The following MNAT1 variants were observed in gnomAD, a reference collection of about 807,000 sequenced individuals.
The protein encoded by MNAT1 is MNAT1 component of CDK activating kinase, also known as CDK-activating kinase assembly factor MAT1.
MNAT1 carries 43 observed loss-of-function variants against 42.0 expected under a neutral mutation model. That is an observed-to-expected ratio of 1.02 (90% confidence interval 0.80 to 1.32). The LOEUF (loss-of-function observed/expected upper bound fraction) is 1.32. Ranked by LOEUF, MNAT1 falls within the 40% of genes most tolerant of loss-of-function variation. The probability of loss-of-function intolerance (pLI) is 0.00; values close to 1 mark genes in which losing one functional copy is unlikely to be tolerated. For missense variants in MNAT1, 306 were observed against 350.4 expected, an observed-to-expected ratio of 0.87 and a Z score of 1.01; for synonymous variants, 118 against 120.0, an observed-to-expected ratio of 0.98 and a Z score of 0.11.
intron 7 of MNAT1, among the ~76,000 whole-genome samples, chr14:60,916,369 A>C (rs1018453158): frequency 6.6e-6 from 1 of 152,214 alleles, no homozygotes; most frequent in African/African-American, 2.4e-5. Context: ...AAATGTAAGC[A>C]TTGGGCCAGG....
chr14:60,835,785 G>T (rs538161980), intron 6 of MNAT1, among the ~76,000 whole-genome samples: 1 of 152,304 alleles, frequency 6.6e-6, no homozygotes, highest in African/African-American at 2.4e-5. Flanking sequence ...GGCCTGCCTT[G>T]CTAGGTTGGG....
Position 60,734,844 on chromosome 14 carries a change from C to G in MNAT1, c.-19C>G, listed in dbSNP as rs749868580. The G allele has an allele frequency of 1.2e-6, 2 of 1,613,092 alleles. No homozygotes were observed. On this transcript the variant is annotated 5_prime_UTR_variant, in exon 1 of 8. Transcript: ENST00000261245. The surrounding 1 kb of genome is among the most constrained non-coding windows in gnomAD (Gnocchi z 4.3). ...GGCTGAAACAGGCGCCTGCGAGAGT[C>G]TGTAGGAGGGAAACCGCCATGGACG...
chr14:60,930,496 T>A (rs1241504211), intron 7 of MNAT1, among the ~76,000 whole-genome samples: 1 of 152,100 alleles, frequency 6.6e-6, no homozygotes, highest in East Asian at 1.9e-4. Context: ...GTAATTGTGC[T>A]GGGTGGAAGA....
intron 7 of MNAT1, among the ~76,000 whole-genome samples, chr14:60,913,813 C>T (rs2035446462): frequency 6.6e-6 from 1 of 152,208 alleles, no homozygotes; most frequent in African/African-American, 2.4e-5. Context: ...GTGTTCAGAT[C>T]TCCAGCTGCG....
At chr14:60,853,332 T>G (rs750403755) in intron 6 of MNAT1, among the ~76,000 whole-genome samples, 2 of 152,188 alleles carry the variant, frequency 1.3e-5, no homozygotes, top group Non-Finnish European at 2.9e-5. Flanking sequence ...TCACTCATGA[T>G]TTGGTTCTCT....
intron 1 of MNAT1, among the ~76,000 whole-genome samples, chr14:60,761,342 T>A (rs147446420): frequency 6.6e-6 from 1 of 152,298 alleles, no homozygotes; most frequent in East Asian, 1.9e-4. Context: ...CACAATACAT[T>A]TGAGTTTTAA....
intron 6 of MNAT1, among the ~76,000 whole-genome samples, chr14:60,836,173 G>T (rs2033384490): frequency 6.6e-6 from 1 of 151,962 alleles, no homozygotes; most frequent in Admixed American, 6.6e-5. Context: ...CTTGCGTTGG[G>T]TTATATCATG....
At chr14:60,947,226 G>A (rs1326597513) in intron 7 of MNAT1, among the ~76,000 whole-genome samples, 1 of 151,778 alleles carries the variant, frequency 6.6e-6, no homozygotes, top group African/African-American at 2.4e-5. Flanking sequence ...ATCTTCCTAG[G>A]ACCCCAACAT....
chr14:60,780,487 G>T lies in MNAT1; in HGVS notation c.90-15730G>T, dbSNP rs968250913. On this transcript the variant is annotated intron_variant, in intron 1 of 7. Coordinates refer to ENST00000261245, the MANE Select transcript of MNAT1 (RefSeq NM_002431.4). ...TTGTACCTGAAAAATGGGAAGAGTC[G>T]GGACCACAGTTTATTACCAATTCTG... is the stretch of plus-strand genomic sequence containing the variant. 5.3e-6 allele frequency: 8 copies of T among 1,516,794 alleles called. No homozygotes were observed. In the African/African-American group the frequency reaches 1.1e-4, roughly 21 times the overall value. 94.0% of individuals were successfully genotyped at this position (1,516,794 alleles called of 1,614,324 possible).
At chr14:60,900,178 AG>A (rs2035045823) in intron 7 of MNAT1, among the ~76,000 whole-genome samples, 1 of 152,044 alleles carries the variant, frequency 6.6e-6, no homozygotes, top group Non-Finnish European at 1.5e-5. Context: ...AGTGAGAGGA[AG>A]GGTCACATGT....
At chr14:60,803,522 G>A (rs2032274430) in intron 3 of MNAT1, among the ~76,000 whole-genome samples, 1 of 152,122 alleles carries the variant, frequency 6.6e-6, no homozygotes, top group Admixed American at 6.5e-5. Flanking sequence ...AAAGAATGGA[G>A]CCAAATTGTA....
chr14:60,938,715 C>A (rs200862668), intron 7 of MNAT1, among the ~76,000 whole-genome samples: 3 of 152,008 alleles, frequency 2.0e-5, no homozygotes, highest in East Asian at 1.9e-4. Context: ...TGTCTCTGCC[C>A]GGCTTTGGTA....
intron 7 of MNAT1, among the ~76,000 whole-genome samples, chr14:60,920,691 C>T (rs949005449): frequency 6.6e-6 from 1 of 152,152 alleles, no homozygotes; most frequent in African/African-American, 2.4e-5. Flanking sequence ...GATCCACCTG[C>T]CTCAGCCTCC....
chr14:60,744,440 G>A (rs1357512816), intron 1 of MNAT1, among the ~76,000 whole-genome samples: 1 of 152,098 alleles, frequency 6.6e-6, no homozygotes, highest in Admixed American at 6.6e-5. Flanking sequence ...CCATCTCAGG[G>A]TTGGTTTCTA....
chr14:60,843,181 T>A (rs2033594639), intron 6 of MNAT1, among the ~76,000 whole-genome samples: 1 of 152,214 alleles, frequency 6.6e-6, no homozygotes, highest in Non-Finnish European at 1.5e-5. Flanking sequence ...TTTTAGTTAT[T>A]TTGGTGATGA....
At chr14:60,757,585 C>T (rs61991697) in intron 1 of MNAT1, among the ~76,000 whole-genome samples, 1 of 152,196 alleles carries the variant, frequency 6.6e-6, no homozygotes, top group Non-Finnish European at 1.5e-5. Flanking sequence ...GAATATCATT[C>T]ATGTTACTCC....
chr14:60,912,621 C>A (rs768728194), intron 7 of MNAT1, among the ~76,000 whole-genome samples: 5 of 152,152 alleles, frequency 3.3e-5, no homozygotes, highest in Non-Finnish European at 7.4e-5. Flanking sequence ...GTTGAAAATT[C>A]TTTTCTTTAA....
intron 1 of MNAT1, chr14:60,753,694 C>G (rs1375364834): frequency 6.6e-6 from 1 of 152,180 alleles, no homozygotes; most frequent in Non-Finnish European, 1.5e-5. Context: ...TGGGCTTCCC[C>G]TTTTGATGAA....
intron 6 of MNAT1, among the ~76,000 whole-genome samples, chr14:60,821,627 C>T (rs1272461665): frequency 6.6e-6 from 1 of 152,042 alleles, no homozygotes; most frequent in Non-Finnish European, 1.5e-5. Context: ...TTTTCATGAA[C>T]CCTCTTTTGT....
Sources: allele counts gnomAD v4.1 joint callset (sites outside exome capture counted in the v4.1 genomes callset), GRCh38; gene constraint gnomAD v4.1.1; non-coding constraint Gnocchi (gnomAD v3.1); transcripts MANE v1.5; gene names NCBI Gene and HGNC (gene_info 2026-07-23, HGNC 2026-07-21).